AK9: variants seen among roughly 807,000 people sequenced by gnomAD.
The protein encoded by AK9 is adenylate kinase domain containing 1.
AK9 carries 191 observed loss-of-function variants against 239.6 expected under a neutral mutation model. The ratio of observed to expected loss-of-function variants is 0.80; its 90% CI spans 0.71 to 0.90. The LOEUF (loss-of-function observed/expected upper bound fraction) is 0.90. AK9 is among the 40% of genes least tolerant of loss of function. AK9 has a pLI of 0.00. For missense variants in AK9, 1,995 were observed against 2,214.7 expected (o/e 0.90, Z 1.99); for synonymous variants, 689 against 721.0 (o/e 0.96, Z 0.71).
intron 6 of AK9, among the ~76,000 whole-genome samples, chr6:109,660,400 G>A (rs993466888): frequency 5.3e-5 from 8 of 152,118 alleles, no homozygotes; most frequent in Admixed American, 1.3e-4. Flanking sequence ...TCTTCAACAA[G>A]CATCCTCAGT....
intron 24 of AK9, among the ~76,000 whole-genome samples, chr6:109,558,515 T>C (rs1430501573): frequency 1.3e-5 from 2 of 152,230 alleles, no homozygotes; most frequent in Non-Finnish European, 2.9e-5. Context: ...CTCTGTAGAT[T>C]TGTCAATAAT....
intron 26 of AK9, 109 bp downstream of exon 26, chr6:109,545,758 G>T: frequency 7.4e-7 from 1 of 1,345,576 alleles, no homozygotes; most frequent in Non-Finnish European, 1.0e-6. Flanking sequence ...AGCTGTGATT[G>T]TGCCACTGCC....
At chr6:109,625,379 A>G (rs1166114053) in intron 12 of AK9, among the ~76,000 whole-genome samples, 1 of 152,154 alleles carries the variant, frequency 6.6e-6, no homozygotes, top group Non-Finnish European at 1.5e-5. Context: ...TGTCATTTGT[A>G]TCAATGTTTT....
chr6:109,617,391 T>A (rs1386160787), intron 13 of AK9, among the ~76,000 whole-genome samples: 1 of 152,060 alleles, frequency 6.6e-6, no homozygotes, highest in African/African-American at 2.4e-5. Context: ...TGAGGGAGGA[T>A]TTATATTATC....
chr6:109,650,569 A>T (rs1022627726), intron 8 of AK9, among the ~76,000 whole-genome samples: 1 of 152,108 alleles, frequency 6.6e-6, no homozygotes, highest in Non-Finnish European at 1.5e-5. Flanking sequence ...ATCATTAAAA[A>T]GTCAGGAAAC....
chr6:109,688,419 T>C lies in AK9; in HGVS notation c.-12+2728A>G, dbSNP rs371676234. ...AAAGGTTTAGAGTATGTCTCATTTA[T>C]CTTCATGAGATCTCATATACCATTG... On this transcript the variant is annotated intron_variant, in intron 1 of 40. Coordinates refer to ENST00000424296, the MANE Select transcript of AK9 (RefSeq NM_001145128.3). Among the ~76,000 whole-genome samples, 13 of 152,324 alleles carry C rather than the reference T, an allele frequency of 8.5e-5. No individual in the cohort carries two copies. In the East Asian group the frequency reaches 1.9e-3, roughly 23 times the overall value.
At chr6:109,600,752 C>G (rs970798737) in intron 17 of AK9, among the ~76,000 whole-genome samples, 32 of 152,304 alleles carry the variant, frequency 2.1e-4, no homozygotes, top group African/African-American at 7.7e-4. Context: ...GCCTCAATTT[C>G]AGAGCCTGTT....
intron 17 of AK9, among the ~76,000 whole-genome samples, chr6:109,590,113 T>G (rs1284765763): frequency 1.3e-5 from 2 of 152,176 alleles, no homozygotes; most frequent in Non-Finnish European, 2.9e-5. Flanking sequence ...TCCTCCTTGA[T>G]GTTTTGGAAC....
chr6:109,624,828 T>C (rs1300159292), intron 12 of AK9, among the ~76,000 whole-genome samples: 3 of 152,198 alleles, frequency 2.0e-5, no homozygotes, highest in Non-Finnish European at 4.4e-5. Flanking sequence ...AATTCCTATA[T>C]GGAAAATGAA....
intron 24 of AK9, among the ~76,000 whole-genome samples, chr6:109,551,169 C>A (rs1037638979): frequency 6.6e-6 from 1 of 152,074 alleles, no homozygotes; most frequent in African/African-American, 2.4e-5. Context: ...TATAAAGGTG[C>A]AAAAATGAGA....
intron 17 of AK9, among the ~76,000 whole-genome samples, chr6:109,605,725 T>A (rs542366920): frequency 1.3e-5 from 2 of 152,256 alleles, no homozygotes; most frequent in African/African-American, 4.8e-5. Flanking sequence ...TCAGGAACAT[T>A]CAAAGCTGAG....
intron 2 of AK9, 22 bp downstream of exon 2, chr6:109,675,607 C>T: frequency 7.6e-7 from 1 of 1,307,900 alleles, no homozygotes; most frequent in Non-Finnish European, 1.0e-6. Context: ...AAAATTATAC[C>T]AAATAATAAG....
intron 1 of AK9, among the ~76,000 whole-genome samples, chr6:109,689,394 T>C (rs565553002): frequency 6.6e-6 from 1 of 152,330 alleles, no homozygotes; most frequent in African/African-American, 2.4e-5. Flanking sequence ...TTCCAAAATG[T>C]TAGCATGTGC....
intron 3 of AK9, 144 bp downstream of exon 3, chr6:109,674,054 A>G: frequency 2.2e-6 from 1 of 457,202 alleles, no homozygotes; most frequent in Non-Finnish European, 3.7e-6. Flanking sequence ...AGGTGGACAA[A>G]TGTGTGATAA....
intron 10 of AK9, among the ~76,000 whole-genome samples, chr6:109,638,660 T>A (rs116068788): frequency 0.021 from 3,164 of 152,194 alleles, 97 homozygotes; most frequent in African/African-American, 0.073. Context: ...TTTAAAAAAA[T>A]TTTAATTATA....
At chr6:109,595,798 C>T (rs1790942961) in intron 17 of AK9, among the ~76,000 whole-genome samples, 1 of 152,102 alleles carries the variant, frequency 6.6e-6, no homozygotes, top group Non-Finnish European at 1.5e-5. Context: ...GGGAGTTGAA[C>T]TATGAGAACA....
chr6:109,585,343 C>T (rs2128212035), intron 18 of AK9, 106 bp from the exon 19 acceptor site: 1 of 421,248 alleles, frequency 2.4e-6, no homozygotes, highest in Non-Finnish European at 3.4e-6. Context: ...TATCTAAATA[C>T]ATTTTCCTTT....
chr6:109,536,037 C>T (rs1440568047), intron 27 of AK9, among the ~76,000 whole-genome samples: 9 of 152,226 alleles, frequency 5.9e-5, no homozygotes, highest in East Asian at 3.9e-4. Flanking sequence ...AGTCAGGTAG[C>T]GTGATGCCTC....
chr6:109,577,258 TG>T (rs1788219398), intron 20 of AK9, among the ~76,000 whole-genome samples: 2 of 152,378 alleles, frequency 1.3e-5, no homozygotes, highest in Middle Eastern at 6.8e-3. Context: ...ATAAGATTTT[TG>T]TTTTTACCTC....
Sources: allele counts gnomAD v4.1 joint callset (sites outside exome capture counted in the v4.1 genomes callset), GRCh38; gene constraint gnomAD v4.1.1; transcripts MANE v1.5; gene names NCBI Gene and HGNC (gene_info 2026-07-23, HGNC 2026-07-21).